SLC34A2: variants seen among roughly 807,000 people sequenced by gnomAD.
SLC34A2 encodes the protein sodium-dependent phosphate transport protein 2B.
Under a neutral mutation model 50.8 loss-of-function variants are expected in SLC34A2, and 41 were observed. The observed-to-expected ratio is 0.81, with a 90% CI of 0.63 to 1.05. The LOEUF is 1.05. SLC34A2 is among the 50% of genes least tolerant of loss of function. SLC34A2 has a pLI of 0.00. For synonymous variants in SLC34A2, 401 were observed against 364.2 expected, an observed-to-expected ratio of 1.10 and a Z score of -1.15; for missense variants, 879 against 876.7, an observed-to-expected ratio of 1.00 and a Z score of -0.03.
intron 12 of SLC34A2, 65 bp from the exon 13 acceptor site, chr4:25,676,070 C>G: frequency 1.3e-6 from 2 of 1,599,382 alleles, no homozygotes; most frequent in Non-Finnish European, 1.7e-6. Flanking sequence ...CCTCCCCCTC[C>G]TCCTCCCTAC....
chr4:25,669,670 A>T lies in SLC34A2; in HGVS notation c.659A>T (p.His220Leu). 1 of 1,614,076 alleles carries T rather than the reference A, an allele frequency of 6.2e-7. No homozygotes were observed. The change falls in exon 7 of 13, where the codon CAT becomes CTT. Residue 220 changes from histidine to leucine, a missense_variant. His to Leu is a moderately conservative substitution (Grantham distance 99, BLOSUM62 -3). Coordinates refer to ENST00000382051, the MANE Select transcript of SLC34A2 (RefSeq NM_006424.3). ...FRRAFAGATV[H>L]DFFNWLSVLV... Reference sequence around the variant, plus strand: ...AGAGCTTTTGCAGGAGCCACTGTCCATGACTTCTTCAACTGGCTGTCCGTG... The same window carrying T: ...AGAGCTTTTGCAGGAGCCACTGTCCTTGACTTCTTCAACTGGCTGTCCGTG...
At chr4:25,675,283 G>T (rs976468540) in intron 12 of SLC34A2, among the ~76,000 whole-genome samples, 1 of 152,118 alleles carries the variant, frequency 6.6e-6, no homozygotes, top group Non-Finnish European at 1.5e-5. Context: ...TGCTTGCCTT[G>T]GCCTCCCAAA....
chr4:25,657,803 A>C (rs1713968080), intron 1 of SLC34A2, among the ~76,000 whole-genome samples: 1 of 152,192 alleles, frequency 6.6e-6, no homozygotes, highest in Admixed American at 6.5e-5. Context: ...ATGTTGTCTA[A>C]GCTGGTCTCA....
rs938494879 is a variant in SLC34A2, at chr4:25,674,408, G to T, written c.1329G>T (p.Leu443=). ...SSVFTSALTP[L]IGIGVITIER... ...TGTTCACGTCGGCCTTGACCCCCCTGATTGGTGAGTTACACCCTGGCTTCT... is the reference window on the plus strand; with the variant it reads ...TGTTCACGTCGGCCTTGACCCCCCTTATTGGTGAGTTACACCCTGGCTTCT... Residue 443 remains leucine, a synonymous_variant, in exon 11 of 13, where the codon CTG becomes CTT. Coordinates refer to ENST00000382051, the MANE Select transcript of SLC34A2 (RefSeq NM_006424.3). The T allele has an allele frequency of 6.2e-7, 1 of 1,614,178 alleles. No homozygotes were observed. Among genetic ancestry groups the T allele is most frequent in the Non-Finnish European group, 8.5e-7 (1 of 1,180,006 alleles).
In SLC34A2 at chr4:25,677,652, G is replaced by T. The variant is rs1248576595; in HGVS notation, c.*903G>T. ...CAGATAACAAAAGCCCTCCCTGTTG[G>T]ATCTTTTGAAATAAAACGTGCAAGT... On this transcript the variant is annotated 3_prime_UTR_variant, in exon 13 of 13. Coordinates refer to ENST00000382051, the MANE Select transcript of SLC34A2 (RefSeq NM_006424.3). 6.6e-6 allele frequency: 1 copy of T among 152,160 alleles called. No individual in the cohort carries two copies. 9.4% of individuals were successfully genotyped at this position (152,160 alleles called of 1,614,324 possible). A position where few individuals can be genotyped will look rare whatever the true frequency, so the allele number is the denominator to read the frequency against.
intron 10 of SLC34A2, 67 bp downstream of exon 10, chr4:25,673,321 G>A: frequency 6.9e-7 from 1 of 1,459,264 alleles, no homozygotes. Context: ...GGGTCCTTTA[G>A]ATTCCCATCT....
Position 25,678,578 on chromosome 4 carries a change from G to A in SLC34A2, c.*1829G>A, listed in dbSNP as rs998069910. On this transcript the variant is annotated 3_prime_UTR_variant, in exon 13 of 13. Transcript: ENST00000382051. ...TATAATAATTTTGAGACCAGGTCTC[G>A]CTGTGTTGCTCAGGCTGGTCTCAAA... The A allele has an allele frequency of 1.5e-4, 38 of 248,160 alleles. No individual in the cohort carries two copies. The highest frequency in any genetic ancestry group is 4.2e-4 in the African/African-American group (19 of 45,134). The allele number at this position is 248,160 out of a possible 1,614,324, so 15.4% of individuals were successfully genotyped here. A position where few individuals can be genotyped will look rare whatever the true frequency, so the allele number is the denominator to read the frequency against.
Position 25,676,869 on chromosome 4 carries a change from ATTGATGCAGTCCTACCTAAC to A in SLC34A2, c.*122_*141del. Reference sequence around the variant, plus strand: ...GATTTGCTCCCCATTAGCGAATGAAATTGATGCAGTCCTACCTAACTCGATTCCCTTTGGCTTGGTGGTAG... The same window carrying A: ...GATTTGCTCCCCATTAGCGAATGAAATCGATTCCCTTTGGCTTGGTGGTAG... On this transcript the variant is annotated 3_prime_UTR_variant, in exon 13 of 13. Coordinates refer to ENST00000382051, the MANE Select transcript of SLC34A2 (RefSeq NM_006424.3). 1.4e-6 allele frequency: 2 copies of A among 1,401,518 alleles called. No homozygotes were observed. Among genetic ancestry groups the A allele is most frequent in the Non-Finnish European group, 2.0e-6 (2 of 1,011,622 alleles). 86.8% of individuals were successfully genotyped at this position (1,401,518 alleles called of 1,614,324 possible).
At chr4:25,669,428 T>G (rs374833035) in intron 6 of SLC34A2, among the ~76,000 whole-genome samples, 2 of 152,338 alleles carry the variant, frequency 1.3e-5, no homozygotes, top group East Asian at 3.9e-4. Flanking sequence ...AGCCGTAACA[T>G]GCTTGCTGGC....
Position 25,674,690 on chromosome 4 carries a change from A to G in SLC34A2, c.1458+61A>G, listed in dbSNP as rs1715019687. On this transcript the variant is annotated intron_variant, in intron 12 of 12. Transcript: ENST00000382051. ...AGTGGGACCACCCATGGTCTTGCAA[A>G]CTGGTCTCTAACAAGAGCCAGGCTT... is the stretch of plus-strand genomic sequence containing the variant. The G allele has an allele frequency of 3.1e-6, 5 of 1,604,384 alleles. No individual in the cohort carries two copies. In the East Asian group the frequency reaches 1.1e-4, roughly 36 times the overall value.
At chr4:25,659,291 A>G (rs996598264) in intron 1 of SLC34A2, among the ~76,000 whole-genome samples, 2 of 152,106 alleles carry the variant, frequency 1.3e-5, no homozygotes, top group Admixed American at 1.3e-4. Context: ...TGGTAGATTT[A>G]ATGAGGTCAC....
At chr4:25,665,437 G>A (rs913467285) in intron 4 of SLC34A2, among the ~76,000 whole-genome samples, 15 of 152,052 alleles carry the variant, frequency 9.9e-5, no homozygotes, top group East Asian at 3.9e-4. Context: ...CGAAGTGCTG[G>A]GATTACAGGT....
At chr4:25,674,727 A>G in intron 12 of SLC34A2, 98 bp downstream of exon 12, 2 of 1,494,580 alleles carry the variant, frequency 1.3e-6, no homozygotes, top group Non-Finnish European at 1.8e-6. Context: ...TCTCTGTACT[A>G]TCCAAAATAT....
At chr4:25,666,069 C>T in intron 4 of SLC34A2, 59 bp from the exon 5 acceptor site, 2 of 1,601,604 alleles carry the variant, frequency 1.2e-6, no homozygotes, top group East Asian at 2.2e-5. Flanking sequence ...ACTCAGTGCC[C>T]ACCTAATCCC....
intron 3 of SLC34A2, 86 bp downstream of exon 3, chr4:25,662,928 A>G: frequency 6.7e-7 from 1 of 1,484,118 alleles, no homozygotes; most frequent in Non-Finnish European, 9.2e-7. Flanking sequence ...CCCCCTTTTC[A>G]TTGTTCTGAT....
chr4:25,671,889 T>A (rs1168869499), intron 9 of SLC34A2, among the ~76,000 whole-genome samples, 168 bp downstream of exon 9: 2 of 152,180 alleles, frequency 1.3e-5, no homozygotes, highest in Non-Finnish European at 2.9e-5. Context: ...AAACTATGGC[T>A]TAGGAACTGA....
chr4:25,664,193 C>A lies in SLC34A2; in HGVS notation c.251-9C>A, dbSNP rs763239585. 13 of 1,611,742 alleles carry A rather than the reference C, an allele frequency of 8.1e-6. No individual in the cohort carries two copies. The East Asian group carries it at 2.5e-4, about 30-fold the overall frequency. On this transcript the variant is annotated splice_polypyrimidine_tract_variant and intron_variant, in intron 3 of 12. Transcript: ENST00000382051. Reference sequence around the variant, plus strand: ...TTTCTCTCTCTCCCCCCATCCCACCCCCCTGCAGAGAGAGACACCAAAGGG... The same window carrying A: ...TTTCTCTCTCTCCCCCCATCCCACCACCCTGCAGAGAGAGACACCAAAGGG...
chr4:25,671,408 A>G (rs1411096893), intron 8 of SLC34A2, among the ~76,000 whole-genome samples, 193 bp from the exon 9 acceptor site: 1 of 152,192 alleles, frequency 6.6e-6, no homozygotes, highest in Non-Finnish European at 1.5e-5. Flanking sequence ...GGCTGATTTC[A>G]GTTGTCCTCA....
intron 9 of SLC34A2, among the ~76,000 whole-genome samples, chr4:25,671,927 G>A (rs1166341698): frequency 1.3e-5 from 2 of 152,182 alleles, no homozygotes; most frequent in African/African-American, 4.8e-5. Context: ...CCCACAGCAA[G>A]GGCAGAACTG....
Sources: allele counts gnomAD v4.1 joint callset (sites outside exome capture counted in the v4.1 genomes callset), GRCh38; gene constraint gnomAD v4.1.1; transcripts MANE v1.5; gene names NCBI Gene and HGNC (gene_info 2026-07-23, HGNC 2026-07-21).